Variants in RNLS observed in about 807,000 individuals in gnomAD.
The protein encoded by RNLS is renalase.
RNLS carries 39 observed loss-of-function variants against 39.8 expected under a neutral mutation model. The ratio of observed to expected loss-of-function variants is 0.98; its 90% CI spans 0.76 to 1.28. The LOEUF is 1.28. Ranked by LOEUF, RNLS falls within the 50% of genes most tolerant of loss-of-function variation. The pLI is 0.00. For synonymous variants in RNLS, 147 were observed against 150.7 expected (o/e 0.98, Z 0.18); for missense variants, 410 against 413.3 (o/e 0.99, Z 0.07).
At chr10:88,465,557 G>T (rs936046512) in intron 4 of RNLS, among the ~76,000 whole-genome samples, 1 of 152,062 alleles carries the variant, frequency 6.6e-6, no homozygotes, top group Non-Finnish European at 1.5e-5. Context: ...ATAGGTGGGT[G>T]CAGGGGGATG....
chr10:88,524,992 TATATATAC>T lies in RNLS; in HGVS notation c.526+47903_526+47910del, dbSNP rs1299431756. Among the ~76,000 whole-genome samples, 315 of 130,834 alleles carry T rather than the reference TATATATAC, an allele frequency of 2.4e-3. 7 individuals are homozygous for T. Among genetic ancestry groups the T allele is most frequent in the African/African-American group, 4.6e-3 (168 of 36,162 alleles). 85.8% of individuals were successfully genotyped at this position (130,834 alleles called of 152,430 possible). On this transcript the variant is annotated intron_variant, in intron 4 of 6. Transcript: ENST00000331772. ...ATATATATATATATATATATATATA[TATATATAC>T]ACACACACACATACTATGTACCCAC... is the stretch of plus-strand genomic sequence containing the variant.
intron 5 of RNLS, among the ~76,000 whole-genome samples, chr10:88,336,165 C>T (rs1847478659): frequency 6.6e-6 from 1 of 152,126 alleles, no homozygotes; most frequent in Non-Finnish European, 1.5e-5. Context: ...ATAGGCAACC[C>T]TAAGAAACTT....
chr10:88,575,418 A>G (rs74147235), intron 3 of RNLS, among the ~76,000 whole-genome samples: 2,836 of 151,768 alleles, frequency 0.019, 78 homozygotes, highest in South Asian at 0.071. Context: ...CTCGCAATCC[A>G]TGTTTAACAA....
At chr10:88,304,280 G>A (rs1053431811) in intron 6 of RNLS, among the ~76,000 whole-genome samples, 9 of 152,164 alleles carry the variant, frequency 5.9e-5, no homozygotes, top group Non-Finnish European at 1.2e-4. Flanking sequence ...AACTCAAAAA[G>A]CCAGAGTGCC....
At chr10:88,486,322 T>C (rs911736482) in intron 4 of RNLS, among the ~76,000 whole-genome samples, 1 of 152,140 alleles carries the variant, frequency 6.6e-6, no homozygotes, top group Non-Finnish European at 1.5e-5. Context: ...AAAGATTTCA[T>C]GACAAAGATG....
chr10:88,497,644 G>A (rs1845245544), intron 4 of RNLS, among the ~76,000 whole-genome samples: 1 of 151,990 alleles, frequency 6.6e-6, no homozygotes, highest in Non-Finnish European at 1.5e-5. Flanking sequence ...TGGAGGATGT[G>A]GTCATTACAA....
intron 5 of RNLS, among the ~76,000 whole-genome samples, chr10:88,350,164 T>G (rs1046172227): frequency 6.6e-6 from 1 of 152,110 alleles, no homozygotes; most frequent in African/African-American, 2.4e-5. Flanking sequence ...AAGTTTTGCC[T>G]GTCTGGATTG....
chr10:88,472,736 C>T (rs990375332), intron 4 of RNLS, among the ~76,000 whole-genome samples: 1 of 152,050 alleles, frequency 6.6e-6, no homozygotes, highest in African/African-American at 2.4e-5. Flanking sequence ...CTACAGGCAC[C>T]CCATCACCTG....
intron 4 of RNLS, among the ~76,000 whole-genome samples, chr10:88,425,505 A>T (rs1696445053): frequency 6.6e-6 from 1 of 152,128 alleles, no homozygotes; most frequent in Admixed American, 6.6e-5. Flanking sequence ...TGTTTTCATT[A>T]TGCTGCATTT....
chr10:88,489,034 C>G (rs1240581481), intron 4 of RNLS, among the ~76,000 whole-genome samples: 1 of 152,058 alleles, frequency 6.6e-6, no homozygotes, highest in Admixed American at 6.6e-5. Flanking sequence ...GTGGTCTTAC[C>G]TCGAAATTCA....
At chr10:88,380,558 T>C (rs1851387293) in intron 4 of RNLS, among the ~76,000 whole-genome samples, 1 of 150,428 alleles carries the variant, frequency 6.6e-6, no homozygotes, top group Admixed American at 6.6e-5. Flanking sequence ...TTTTTTTTTG[T>C]ATTTTTTAGT....
intron 4 of RNLS, among the ~76,000 whole-genome samples, chr10:88,561,063 G>A (rs1363053006): frequency 6.6e-6 from 1 of 152,128 alleles, no homozygotes; most frequent in Non-Finnish European, 1.5e-5. Flanking sequence ...AGGGTAGAGA[G>A]AATGAGCTCC....
intron 6 of RNLS, among the ~76,000 whole-genome samples, chr10:88,291,741 T>C (rs903047338): frequency 1.3e-5 from 2 of 152,110 alleles, no homozygotes; most frequent in African/African-American, 4.8e-5. Flanking sequence ...TACTATAGCT[T>C]GATGCATTGC....
chr10:88,370,268 T>C (rs1419680422), intron 4 of RNLS, among the ~76,000 whole-genome samples: 2 of 152,154 alleles, frequency 1.3e-5, no homozygotes, highest in Non-Finnish European at 2.9e-5. Context: ...CACATTATAC[T>C]GACTTTGAGG....
chr10:88,299,459 C>A (rs1004391055), intron 6 of RNLS, among the ~76,000 whole-genome samples: 40 of 152,014 alleles, frequency 2.6e-4, no homozygotes, highest in Non-Finnish European at 2.9e-5. Flanking sequence ...CCCATCTCTA[C>A]TAAAAATACA....
intron 4 of RNLS, among the ~76,000 whole-genome samples, chr10:88,547,345 C>A (rs1848371492): frequency 6.6e-6 from 1 of 152,094 alleles, no homozygotes; most frequent in Non-Finnish European, 1.5e-5. Flanking sequence ...CCCTGGTATG[C>A]CATTTTGAAC....
the RNLS span, among the ~76,000 whole-genome samples, chr10:88,251,535 G>C: frequency 4.9e-4 from 75 of 152,212 alleles, no homozygotes; most frequent in African/African-American, 1.6e-3. Flanking sequence ...CTATAAAAAC[G>C]GGCTTCCAAA....
chr10:88,581,672 G>T lies in RNLS; in HGVS notation c.262C>A (p.Pro88Thr). The T allele has an allele frequency of 1.9e-6, 3 of 1,593,106 alleles. No individual in the cohort carries two copies. Among genetic ancestry groups the T allele is most frequent in the Non-Finnish European group, 2.6e-6 (3 of 1,170,548 alleles). ...DELLAYGVLRPLSSPIEGMVM... is the reference protein window; with the variant it reads ...DELLAYGVLRTLSSPIEGMVM... ...ATTCCTTCAATAGGCGAGCTTAGAG[G>T]CCTCAAAACGCCATAGGCTAACAGT... is the stretch of plus-strand genomic sequence containing the variant. The change falls in exon 3 of 7, where the codon CCT becomes ACT. Residue 88 changes from proline (P) to threonine (T), a missense_variant. Pro to Thr is a conservative substitution (Grantham distance 38, BLOSUM62 -1). Coordinates refer to ENST00000331772, the MANE Select transcript of RNLS (RefSeq NM_001031709.3).
At chr10:88,180,533 A>G in the RNLS span, among the ~76,000 whole-genome samples, 6 of 152,218 alleles carry the variant, frequency 3.9e-5, no homozygotes, top group Non-Finnish European at 8.8e-5. Flanking sequence ...CCAAAGGATT[A>G]GCTACTGCAC....
Sources: gnomAD v4.1 joint callset for allele counts (sites outside exome capture counted in the v4.1 genomes callset) on GRCh38, gnomAD v4.1.1 for gene constraint, MANE v1.5 for transcripts, NCBI Gene and HGNC (gene_info 2026-07-23, HGNC 2026-07-21) for gene names.